Variants in TUBB3 observed in about 807,000 individuals in gnomAD.
TUBB3 encodes the protein tubulin beta-3 chain.
In TUBB3, 17 loss-of-function variants were observed where a neutral mutation model predicts 37.8. That is an observed-to-expected ratio of 0.45 (90% CI 0.31 to 0.67). The LOEUF is 0.67. TUBB3 is among the 30% of genes least tolerant of loss of function. The pLI, the probability that TUBB3 is intolerant of heterozygous loss-of-function variation, is 0.07. For synonymous variants in TUBB3, 332 were observed against 278.9 expected (o/e 1.19, Z -1.90); for missense variants, 262 against 657.9 (o/e 0.40, Z 6.58).
chr16:89,934,369 A>G (rs1452316901), intron 3 of TUBB3: 1 of 504,694 alleles, frequency 2.0e-6, no homozygotes, highest in Admixed American at 2.3e-5. Flanking sequence ...TCCAGCCCCC[A>G]GCTGCCAGGG....
At chr16:89,930,914 A>G (rs9932078) in intron 1 of TUBB3, among the ~76,000 whole-genome samples, 30,904 of 148,506 alleles carry the variant, frequency 0.21, 5,719 homozygotes, top group African/African-American at 0.5. Flanking sequence ...TGCAAGCTCC[A>G]CCTCCTGGGT....
intron 3 of TUBB3, 90 bp from the exon 4 acceptor site, chr16:89,934,639 C>A: frequency 7.7e-7 from 1 of 1,303,654 alleles, no homozygotes; most frequent in Non-Finnish European, 1.1e-6. Context: ...GGGGCTGCCA[C>A]GGCTGCCCTT....
chr16:89,923,394 C>A lies in TUBB3; in HGVS notation c.-8C>A. 1 of 1,485,252 alleles carries A rather than the reference C, an allele frequency of 6.7e-7. No homozygotes were observed. Among genetic ancestry groups the A allele is most frequent in the Non-Finnish European group, 9.0e-7 (1 of 1,115,610 alleles). 92.0% of individuals were successfully genotyped at this position (1,485,252 alleles called of 1,614,324 possible). On this transcript the variant is annotated 5_prime_UTR_variant, in exon 1 of 4. Transcript: ENST00000315491. ...CCCGTCCGCAGCCGCCCGCCAGACGCGCCCAGTATGAGGGAGATCGTGCAC... is the reference window on the plus strand; with the variant it reads ...CCCGTCCGCAGCCGCCCGCCAGACGAGCCCAGTATGAGGGAGATCGTGCAC...
At chr16:89,926,874 C>T (rs2030107758) in intron 1 of TUBB3, among the ~76,000 whole-genome samples, 1 of 152,158 alleles carries the variant, frequency 6.6e-6, no homozygotes, top group African/African-American at 2.4e-5. Context: ...CCCGCCACCA[C>T]ACCTGGCTTA....
At chr16:89,926,994 G>A (rs1160828846) in intron 1 of TUBB3, among the ~76,000 whole-genome samples, 1 of 152,140 alleles carries the variant, frequency 6.6e-6, no homozygotes, top group Non-Finnish European at 1.5e-5. Flanking sequence ...TGGGATTGCA[G>A]GCATGAGCCA....
In TUBB3 at chr16:89,935,891, C is replaced by T. The variant is rs2030441799; in HGVS notation, c.*87C>T. 1.4e-6 allele frequency: 2 copies of T among 1,480,378 alleles called. No homozygotes were observed. Among genetic ancestry groups the T allele is most frequent in the Admixed American group, 4.2e-5 (2 of 47,412 alleles). The allele number at this position is 1,480,378 out of a possible 1,614,324, so 91.7% of individuals were successfully genotyped here. A position where few individuals can be genotyped will look rare whatever the true frequency, so the allele number is the denominator to read the frequency against. ...ACCCCCGGAGCCATCTTGCTGCCGA[C>T]ACCCTGCTTTCCCCTCGCCCTAGGG... On this transcript the variant is annotated 3_prime_UTR_variant, in exon 4 of 4. Coordinates refer to ENST00000315491, the MANE Select transcript of TUBB3 (RefSeq NM_006086.4).
chr16:89,923,285 A>G (rs1465722022), upstream of TUBB3: 10 of 820,696 alleles, frequency 1.2e-5, no homozygotes, highest in Non-Finnish European at 4.9e-6. Context: ...CGGTGACATC[A>G]GCCGATGCGA....
At chr16:89,933,274 C>T (rs569479679) in intron 2 of TUBB3, 194 bp from the exon 3 acceptor site, 9 of 715,022 alleles carry the variant, frequency 1.3e-5, no homozygotes, top group African/African-American at 8.7e-5. Flanking sequence ...TGTCCTGCTC[C>T]GTCCTTAAAC....
chr16:89,924,208 G>T (rs987802509), intron 1 of TUBB3, among the ~76,000 whole-genome samples: 1 of 152,182 alleles, frequency 6.6e-6, no homozygotes, highest in African/African-American at 2.4e-5. Flanking sequence ...AGCCCACCTC[G>T]CAGATGTTGG....
intron 1 of TUBB3, among the ~76,000 whole-genome samples, chr16:89,928,326 G>A (rs2030157464): frequency 6.6e-6 from 1 of 151,792 alleles, no homozygotes; most frequent in Admixed American, 6.6e-5. Flanking sequence ...AAACTGCTGG[G>A]ATTATAAATA....
At chr16:89,930,972 C>T (rs1490539466) in intron 1 of TUBB3, among the ~76,000 whole-genome samples, 6 of 151,980 alleles carry the variant, frequency 3.9e-5, no homozygotes, top group South Asian at 2.1e-4. Context: ...GGACTACAGG[C>T]ACCCGCCACC....
In TUBB3 at chr16:89,935,897, G is replaced by A; in HGVS notation, c.*93G>A. On this transcript the variant is annotated 3_prime_UTR_variant, in exon 4 of 4. Coordinates refer to ENST00000315491, the MANE Select transcript of TUBB3 (RefSeq NM_006086.4). ...GGAGCCATCTTGCTGCCGACACCCT[G>A]CTTTCCCCTCGCCCTAGGGCTCCCT... 6.8e-7 allele frequency: 1 copy of A among 1,468,442 alleles called. No individual in the cohort carries two copies. The highest frequency in any genetic ancestry group is 9.2e-7 in the Non-Finnish European group (1 of 1,091,570). 91.0% of individuals were successfully genotyped at this position (1,468,442 alleles called of 1,614,324 possible). A position where few individuals can be genotyped will look rare whatever the true frequency, so the allele number is the denominator to read the frequency against.
intron 1 of TUBB3, among the ~76,000 whole-genome samples, chr16:89,925,598 A>T (rs1423876257): frequency 1.3e-5 from 2 of 152,134 alleles, no homozygotes; most frequent in African/African-American, 4.8e-5. Context: ...CCTGTCTCAC[A>T]GTAATAATAG....
In TUBB3 at chr16:89,935,937, A is replaced by T. The variant is rs537334065; in HGVS notation, c.*133A>T. ...TAGGGCTCCCTTGCCGCCCTCCTGC[A>T]GTATTTATGGCCTCGTCCTCCCCAC... On this transcript the variant is annotated 3_prime_UTR_variant, in exon 4 of 4. Transcript: ENST00000315491. 7.5e-5 allele frequency: 90 copies of T among 1,192,110 alleles called. No homozygotes were observed. The East Asian group carries it at 2.3e-3, about 30-fold the overall frequency. 73.8% of individuals were successfully genotyped at this position (1,192,110 alleles called of 1,614,324 possible). A position where few individuals can be genotyped will look rare whatever the true frequency, so the allele number is the denominator to read the frequency against.
At chr16:89,925,828 C>T (rs1180287501) in intron 1 of TUBB3, among the ~76,000 whole-genome samples, 1 of 152,158 alleles carries the variant, frequency 6.6e-6, no homozygotes, top group Non-Finnish European at 1.5e-5. Context: ...AAGGCCCGTG[C>T]ACTCTGGGCA....
Position 89,935,806 on chromosome 16 carries a change from G to A in TUBB3, c.*2G>A, listed in dbSNP as rs1135394. On this transcript the variant is annotated 3_prime_UTR_variant, in exon 4 of 4. Transcript: ENST00000315491. ...TCGGAGGCCCAGGGCCCCAAGTGAAGCTGCTCGCAGCTGGAGTGAGAGGCA... is the reference window on the plus strand; with the variant it reads ...TCGGAGGCCCAGGGCCCCAAGTGAAACTGCTCGCAGCTGGAGTGAGAGGCA... 1.2e-6 allele frequency: 2 copies of A among 1,611,736 alleles called. No individual in the cohort carries two copies. Among genetic ancestry groups the A allele is most frequent in the Non-Finnish European group, 1.7e-6 (2 of 1,178,860 alleles).
At chr16:89,929,813 G>A (rs923292924) in intron 1 of TUBB3, among the ~76,000 whole-genome samples, 9 of 151,824 alleles carry the variant, frequency 5.9e-5, no homozygotes, top group Non-Finnish European at 1.2e-4. Context: ...GTGATTCTCC[G>A]CCTCAGCCTC....
chr16:89,932,015 CAG>C, intron 1 of TUBB3: 1 of 276,590 alleles, frequency 3.6e-6, no homozygotes, highest in South Asian at 3.3e-5. Context: ...GACTGGCTCT[CAG>C]AGTCCCTGTG....
chr16:89,924,434 G>A (rs1380048857), intron 1 of TUBB3, among the ~76,000 whole-genome samples: 1 of 149,208 alleles, frequency 6.7e-6, no homozygotes, highest in Admixed American at 6.6e-5. Flanking sequence ...CAAAGGATCT[G>A]CCCTCCGAAC....
Sources: gnomAD v4.1 joint callset for allele counts (sites outside exome capture counted in the v4.1 genomes callset) on GRCh38, gnomAD v4.1.1 for gene constraint, MANE v1.5 for transcripts, NCBI Gene and HGNC (gene_info 2026-07-23, HGNC 2026-07-21) for gene names.